SYT1: variants seen among roughly 807,000 people sequenced by gnomAD.
The protein encoded by SYT1 is synaptotagmin 1.
In SYT1, 8 loss-of-function variants were observed where a neutral mutation model predicts 44.8. That is an observed-to-expected ratio of 0.18 (90% confidence interval 0.10 to 0.32). SYT1 has a LOEUF of 0.32. Ranked by LOEUF, SYT1 falls within the 10% of genes least tolerant of loss-of-function variation. The pLI, the probability that SYT1 is intolerant of heterozygous loss-of-function variation, is 1.00. For synonymous variants in SYT1, 154 were observed against 188.8 expected (o/e 0.82, Z 1.51); for missense variants, 286 against 509.3 (o/e 0.56, Z 4.22).
At chr12:79,057,549 TCTC>T (rs1203861987) in intron 3 of SYT1, among the ~76,000 whole-genome samples, 1 of 152,070 alleles carries the variant, frequency 6.6e-6, no homozygotes, top group African/African-American at 2.4e-5. Flanking sequence ...TGCTATAACA[TCTC>T]CTAGGAAGTA....
At chr12:79,010,020 G>A (rs1871317302) in intron 2 of SYT1, among the ~76,000 whole-genome samples, 2 of 152,068 alleles carry the variant, frequency 1.3e-5, no homozygotes, top group Non-Finnish European at 2.9e-5. Context: ...ATGGAATACT[G>A]CTATGTGAGT....
At chr12:79,445,457 C>G (rs566489480) in intron 10 of SYT1, among the ~76,000 whole-genome samples, 10 of 152,004 alleles carry the variant, frequency 6.6e-5, no homozygotes, top group African/African-American at 2.4e-4. Context: ...CTCTCCCTAC[C>G]TTCCCCTTCC....
intron 2 of SYT1, among the ~76,000 whole-genome samples, chr12:79,027,937 T>C (rs1044974612): frequency 4.6e-5 from 7 of 151,528 alleles, no homozygotes; most frequent in African/African-American, 1.2e-4. Flanking sequence ...TCCTTATACA[T>C]TCCCACCTTG....
chr12:79,268,262 T>C (rs988318851), intron 4 of SYT1, among the ~76,000 whole-genome samples: 8 of 152,192 alleles, frequency 5.3e-5, no homozygotes, highest in Non-Finnish European at 1.2e-4. Flanking sequence ...AGATTTACGA[T>C]TCTATTAAAT....
At chr12:79,421,422 C>T (rs1869109678) in intron 9 of SYT1, among the ~76,000 whole-genome samples, 1 of 152,056 alleles carries the variant, frequency 6.6e-6, no homozygotes, top group Non-Finnish European at 1.5e-5. Flanking sequence ...ACCATAGTTT[C>T]CTTGTTCAAG....
chr12:78,872,031 G>C (rs1361794004), intron 1 of SYT1, among the ~76,000 whole-genome samples: 2 of 151,810 alleles, frequency 1.3e-5, no homozygotes, highest in African/African-American at 2.4e-5. Flanking sequence ...TAAAAGCTTA[G>C]TTAACAATAT....
intron 3 of SYT1, among the ~76,000 whole-genome samples, chr12:79,212,375 G>C (rs1047108067): frequency 1.3e-5 from 2 of 152,018 alleles, no homozygotes; most frequent in African/African-American, 4.8e-5. Context: ...TGGGAGGCAA[G>C]GGGAGGGAGA....
chr12:79,158,823 G>A (rs965802650), intron 3 of SYT1, among the ~76,000 whole-genome samples: 1 of 152,022 alleles, frequency 6.6e-6, no homozygotes, highest in African/African-American at 2.4e-5. Flanking sequence ...CTTGAGCCCA[G>A]GAAGTCGAGG....
At chr12:79,070,461 G>T (rs574469773) in intron 3 of SYT1, among the ~76,000 whole-genome samples, 6 of 151,854 alleles carry the variant, frequency 4.0e-5, no homozygotes, top group Non-Finnish European at 8.8e-5. Flanking sequence ...AACCTTGAAG[G>T]TCTTTTTGTT....
At chr12:78,996,202 C>T (rs1233634631) in intron 2 of SYT1, among the ~76,000 whole-genome samples, 1 of 152,164 alleles carries the variant, frequency 6.6e-6, no homozygotes, top group Non-Finnish European at 1.5e-5. Context: ...TACCTCAGTG[C>T]ATTAAGTAAA....
intron 4 of SYT1, among the ~76,000 whole-genome samples, chr12:79,247,614 C>T (rs952323076): frequency 6.6e-6 from 1 of 152,024 alleles, no homozygotes; most frequent in African/African-American, 2.4e-5. Context: ...GTTTAGCAAC[C>T]ACCTACACAT....
chr12:79,239,859 A>G (rs1327465510), intron 4 of SYT1, among the ~76,000 whole-genome samples: 1 of 152,220 alleles, frequency 6.6e-6, no homozygotes, highest in African/African-American at 2.4e-5. Context: ...CAGTTCCTAA[A>G]GATGACTCTG....
intron 9 of SYT1, among the ~76,000 whole-genome samples, chr12:79,362,363 C>T (rs1370923092): frequency 6.6e-6 from 1 of 152,054 alleles, no homozygotes; most frequent in East Asian, 1.9e-4. Context: ...AATTATAAAT[C>T]AAGAAAAATG....
At chr12:79,103,978 G>T (rs763119548) in intron 3 of SYT1, among the ~76,000 whole-genome samples, 1 of 152,034 alleles carries the variant, frequency 6.6e-6, no homozygotes, top group Non-Finnish European at 1.5e-5. Flanking sequence ...TAGAAAAATT[G>T]AATGCTCCCA....
In SYT1 at chr12:79,139,737, C is replaced by T. The variant is rs181639467; in HGVS notation, c.-17-77766C>T. 1.9e-3 allele frequency among the ~76,000 whole-genome samples: 294 copies of T among 152,254 alleles called. 2 individuals are homozygous for T. The highest frequency in any genetic ancestry group is 3.6e-3 in the Non-Finnish European group (247 of 68,018). ...GTTACTTGGTTTTGATTTGTTCTCT[C>T]CTGAGACAGGACACATTTTTGTCTT... On this transcript the variant is annotated intron_variant, in intron 3 of 10. Transcript: ENST00000261205.
chr12:78,972,454 G>A (rs112426556), intron 1 of SYT1, among the ~76,000 whole-genome samples: 10,918 of 151,310 alleles, frequency 0.072, 438 homozygotes, highest in African/African-American at 0.1. Flanking sequence ...TAAAAATTAT[G>A]CTATGGGAAA....
At chr12:78,912,747 G>T (rs1876412987) in intron 1 of SYT1, among the ~76,000 whole-genome samples, 1 of 151,858 alleles carries the variant, frequency 6.6e-6, no homozygotes, top group African/African-American at 2.4e-5. Context: ...ATCATGTGTT[G>T]GTAGGACATC....
intron 8 of SYT1, among the ~76,000 whole-genome samples, chr12:79,351,219 C>T (rs980342902): frequency 2.0e-5 from 3 of 152,064 alleles, no homozygotes; most frequent in Non-Finnish European, 4.4e-5. Flanking sequence ...CTCCTGCTTC[C>T]GAGCATGCTT....
chr12:79,363,102 C>T (rs1221973699), intron 9 of SYT1, among the ~76,000 whole-genome samples: 1 of 152,060 alleles, frequency 6.6e-6, no homozygotes, highest in Non-Finnish European at 1.5e-5. Context: ...TTGGCCACTT[C>T]TATTCCCTTC....
Sources: allele counts gnomAD v4.1 joint callset (sites outside exome capture counted in the v4.1 genomes callset), GRCh38; gene constraint gnomAD v4.1.1; transcripts MANE v1.5; gene names NCBI Gene and HGNC (gene_info 2026-07-23, HGNC 2026-07-21).